MILR1: variants seen among roughly 807,000 people sequenced by gnomAD.
MILR1 encodes allergin-1.
Under a neutral mutation model 18.5 loss-of-function variants are expected in MILR1, and 31 were observed. That is an observed-to-expected ratio of 1.68 (90% CI 1.26 to 2.26). MILR1 has a LOEUF of 2.26. MILR1 is among the 30% of genes most tolerant of loss of function. MILR1 has a pLI of 0.00. For missense variants in MILR1, 257 were observed against 157.4 expected (o/e 1.63, Z -3.38); for synonymous variants, 85 against 56.2 (o/e 1.51, Z -2.30).
chr17:64,481,870 G>A, the MILR1 span, among the ~76,000 whole-genome samples: 11 of 151,444 alleles, frequency 7.3e-5, no homozygotes, highest in East Asian at 3.9e-4. Context: ...GCAAGACTCC[G>A]TCTCAAAATA....
intron 6 of MILR1, among the ~76,000 whole-genome samples, chr17:64,465,860 T>C (rs1225773583): frequency 6.6e-6 from 1 of 152,164 alleles, no homozygotes; most frequent in Non-Finnish European, 1.5e-5. Flanking sequence ...CCACACTGTG[T>C]TTCACAGTCT....
intron 3 of MILR1, among the ~76,000 whole-genome samples, chr17:64,453,164 G>C (rs1355212713): frequency 2.0e-5 from 3 of 151,656 alleles, no homozygotes; most frequent in African/African-American, 7.3e-5. Flanking sequence ...CACCTCCTGG[G>C]TTCAAGGCAT....
At chr17:64,489,375 A>G in the MILR1 span, among the ~76,000 whole-genome samples, 1 of 151,324 alleles carries the variant, frequency 6.6e-6, no homozygotes, top group African/African-American at 2.4e-5. Context: ...AAAAAAAAAA[A>G]GGGAAGGGGA....
At chr17:64,483,924 C>G in the MILR1 span, 4 of 152,292 alleles carry the variant, frequency 2.6e-5, no homozygotes, top group African/African-American at 7.2e-5. Context: ...GTTGCCCAGA[C>G]AGACTGGTCT....
At chr17:64,491,675 C>A in the MILR1 span, 1 of 1,241,196 alleles carries the variant, frequency 8.1e-7, no homozygotes, top group South Asian at 1.2e-5. Flanking sequence ...AGTACATCAA[C>A]GTGAAGAAGG....
chr17:64,483,014 T>TG, the MILR1 span: 2 of 1,406,176 alleles, frequency 1.4e-6, no homozygotes, highest in Non-Finnish European at 2.0e-6. Context: ...GGCAATTAAA[T>TG]GGGGGAGGGA....
At chr17:64,491,418 G>A in the MILR1 span, 2 of 714,068 alleles carry the variant, frequency 2.8e-6, no homozygotes, top group South Asian at 1.8e-5. Flanking sequence ...AACAGAGCAA[G>A]ACTTCATCTC....
At chr17:64,494,481 G>C in the MILR1 span, among the ~76,000 whole-genome samples, 1 of 151,954 alleles carries the variant, frequency 6.6e-6, no homozygotes, top group Non-Finnish European at 1.5e-5. Flanking sequence ...ATGATATCGG[G>C]GTTTGCAATA....
downstream of MILR1, among the ~76,000 whole-genome samples, chr17:64,470,579 GT>G (rs1394928164): frequency 6.6e-6 from 1 of 152,174 alleles, no homozygotes; most frequent in Non-Finnish European, 1.5e-5. Context: ...GGCATTGGGA[GT>G]TTCTTATTCT....
the MILR1 span, chr17:64,496,549 G>A: frequency 1.9e-6 from 3 of 1,613,732 alleles, no homozygotes; most frequent in African/African-American, 1.3e-5. Context: ...CACTGTCCCC[G>A]GGTAGCAAAG....
the MILR1 span, chr17:64,483,146 T>C: frequency 1.8e-6 from 1 of 568,512 alleles, no homozygotes; most frequent in East Asian, 2.9e-5. Flanking sequence ...AGAAGTTAGC[T>C]GAGGTCATAA....
the MILR1 span, chr17:64,485,399 TTCC>T: frequency 9.7e-6 from 3 of 308,518 alleles, no homozygotes; most frequent in Admixed American, 9.5e-5. Flanking sequence ...CGGGTCTTTC[TTCC>T]TCCTATGTAC....
At chr17:64,490,855 A>G in the MILR1 span, 25 of 1,613,810 alleles carry the variant, frequency 1.5e-5, no homozygotes, top group Non-Finnish European at 2.1e-5. Context: ...CCTAGGTTCC[A>G]CAGGGTTTCT....
chr17:64,454,863 C>T (rs1030441863), intron 3 of MILR1, among the ~76,000 whole-genome samples: 6 of 152,086 alleles, frequency 3.9e-5, no homozygotes, highest in South Asian at 4.2e-4. Context: ...TGTAGCTGAG[C>T]GTGGTGGCGT....
chr17:64,485,526 T>C, the MILR1 span: 5 of 591,716 alleles, frequency 8.5e-6, no homozygotes, highest in Non-Finnish European at 1.2e-5. Flanking sequence ...TGGGATTACT[T>C]ATTAGGGATG....
At chr17:64,461,033 G>A (rs1488384353) in intron 5 of MILR1, 101 bp downstream of exon 5, 2 of 434,414 alleles carry the variant, frequency 4.6e-6, no homozygotes, top group African/African-American at 4.0e-5. Context: ...ATTGGAAATA[G>A]AATAGGGAGA....
intron 3 of MILR1, among the ~76,000 whole-genome samples, chr17:64,454,256 C>A (rs1179311045): frequency 3.3e-5 from 5 of 152,124 alleles, no homozygotes; most frequent in African/African-American, 1.2e-4. Flanking sequence ...TAGCCTATGT[C>A]ACCCAGGCTG....
chr17:64,462,729 C>T (rs890094710), intron 5 of MILR1, among the ~76,000 whole-genome samples: 1 of 151,190 alleles, frequency 6.6e-6, no homozygotes, highest in Non-Finnish European at 1.5e-5. Context: ...CAGCCTCTGT[C>T]TCCCTGGTTC....
chr17:64,496,497 G>C, the MILR1 span: 3 of 1,612,826 alleles, frequency 1.9e-6, no homozygotes, highest in Non-Finnish European at 2.5e-6. Flanking sequence ...TCTTTGTCTT[G>C]CAAGATTTCG....
Sources: gnomAD v4.1 joint callset for allele counts (sites outside exome capture counted in the v4.1 genomes callset) on GRCh38, gnomAD v4.1.1 for gene constraint, MANE v1.5 for transcripts, NCBI Gene and HGNC (gene_info 2026-07-23, HGNC 2026-07-21) for gene names.